WDR37: variants seen among roughly 807,000 people sequenced by gnomAD.
The protein encoded by WDR37 is WD repeat domain 37.
Under a neutral mutation model 62.9 loss-of-function variants are expected in WDR37, and 19 were observed. That is an observed-to-expected ratio of 0.30 (90% CI 0.21 to 0.44). WDR37 has a LOEUF of 0.44. Among genes scored for constraint, WDR37 ranks in the 20% least tolerant of loss-of-function variants. WDR37 has a pLI of 1.00. For missense variants in WDR37, 474 were observed against 657.6 expected (o/e 0.72, Z 3.05); for synonymous variants, 250 against 260.9 (o/e 0.96, Z 0.40).
At chr10:1,126,202 G>T (rs892201406) in intron 13 of WDR37, among the ~76,000 whole-genome samples, 6 of 152,192 alleles carry the variant, frequency 3.9e-5, no homozygotes, top group South Asian at 4.1e-4. Flanking sequence ...TCAGGAGATC[G>T]AGACCATCCT....
chr10:1,125,089 A>G (rs1036796578), intron 13 of WDR37, 65 bp downstream of exon 13: 2 of 1,568,652 alleles, frequency 1.3e-6, no homozygotes, highest in Non-Finnish European at 1.7e-6. Flanking sequence ...GATATTTTAC[A>G]TTCTCATTTT....
chr10:1,077,348 CAATT>C (rs1437845436), intron 2 of WDR37, among the ~76,000 whole-genome samples: 5 of 152,160 alleles, frequency 3.3e-5, no homozygotes, highest in African/African-American at 1.2e-4. Flanking sequence ...TGTTTTCACT[CAATT>C]AATAGACATT....
At chr10:1,057,261 AG>A (rs1833213956) in intron 1 of WDR37, among the ~76,000 whole-genome samples, 1 of 136,866 alleles carries the variant, frequency 7.3e-6, no homozygotes, top group Admixed American at 7.1e-5. Context: ...AGGGTGCGGG[AG>A]GGATGGGGGC....
chr10:1,071,320 G>A (rs760959277), intron 1 of WDR37, among the ~76,000 whole-genome samples: 3 of 152,080 alleles, frequency 2.0e-5, no homozygotes, highest in African/African-American at 7.2e-5. Flanking sequence ...CATGGGAGGA[G>A]GGATCAGTAA....
chr10:1,118,404 G>A (rs965947373), intron 11 of WDR37, among the ~76,000 whole-genome samples: 4 of 148,744 alleles, frequency 2.7e-5, no homozygotes, highest in African/African-American at 1.0e-4. Context: ...AGCCAGCTCT[G>A]TTTGAAGTCC....
At chr10:1,120,145 G>T (rs947936461) in intron 11 of WDR37, among the ~76,000 whole-genome samples, 25 of 152,252 alleles carry the variant, frequency 1.6e-4, no homozygotes, top group Admixed American at 3.9e-4. Context: ...ATGAATGCTT[G>T]TGTGAGTTCT....
In WDR37 at chr10:1,083,847, G is replaced by A. The variant is rs74554508; in HGVS notation, c.397-556G>A. On this transcript the variant is annotated intron_variant, in intron 5 of 13. Transcript: ENST00000263150. ...CTGTTCTGAGCGAGCGCCAAGTCTC[G>A]GGCAAACCGGCACACCTATTAGTGT... Among the ~76,000 whole-genome samples the A allele has an allele frequency of 6.7e-3, 1,021 of 152,326 alleles. 4 individuals are homozygous for A. Among genetic ancestry groups the A allele is most frequent in the Non-Finnish European group, 0.012 (804 of 68,038 alleles).
intron 9 of WDR37, among the ~76,000 whole-genome samples, chr10:1,097,061 C>T (rs1034811167): frequency 1.1e-4 from 17 of 152,202 alleles, no homozygotes; most frequent in African/African-American, 3.9e-4. Flanking sequence ...AGCTGAGATC[C>T]TGTGAATGAA....
chr10:1,127,894 G>A (rs1192896481), intron 13 of WDR37, among the ~76,000 whole-genome samples: 2 of 152,250 alleles, frequency 1.3e-5, no homozygotes, highest in Non-Finnish European at 2.9e-5. Context: ...TCCCATGGGA[G>A]CTCTGCCGGA....
At chr10:1,099,785 T>C (rs1047204052) in intron 9 of WDR37, among the ~76,000 whole-genome samples, 8 of 147,126 alleles carry the variant, frequency 5.4e-5, no homozygotes, top group Non-Finnish European at 8.9e-5. Context: ...AGGGTGAGCA[T>C]TGATGCTTAG....
At position 1,121,770 on chromosome 10, in the gene WDR37, G is replaced by T. The variant is rs943014490; in HGVS notation, c.1104-2448G>T. On this transcript the variant is annotated intron_variant, in intron 11 of 13. Coordinates refer to ENST00000263150, the MANE Select transcript of WDR37 (RefSeq NM_014023.4). This position sits in a 1 kb window ranked among gnomAD's most constrained non-coding sequence, Gnocchi z 4.5. ...CCCCGACCAGACATCAGGTCCTAGC[G>T]GGGGAATAAGTGTCAGCAATCCACA... 6.6e-6 allele frequency among the ~76,000 whole-genome samples: 1 copy of T among 152,154 alleles called. No homozygotes were observed. Among genetic ancestry groups the T allele is most frequent in the African/African-American group, 2.4e-5 (1 of 41,426 alleles).
intron 11 of WDR37, among the ~76,000 whole-genome samples, chr10:1,119,219 C>T (rs1835498009): frequency 6.6e-6 from 1 of 152,190 alleles, no homozygotes; most frequent in South Asian, 2.1e-4. Flanking sequence ...ATGATAAGAT[C>T]AGTACACGAG....
In WDR37 at chr10:1,132,022, T is replaced by C. The variant is rs1835958453; in HGVS notation, c.*2678T>C. On this transcript the variant is annotated 3_prime_UTR_variant, in exon 14 of 14. Transcript: ENST00000263150. ...TTGTTACTTAAGTCTGTGAAAAACA[T>C]ATTTCTTTGGAGGAAAATGTATGCA... 6.6e-6 allele frequency: 1 copy of C among 152,660 alleles called. No homozygotes were observed. Among genetic ancestry groups the C allele is most frequent in the Non-Finnish European group, 1.5e-5 (1 of 68,032 alleles). The allele number at this position is 152,660 out of a possible 1,614,324, so 9.5% of individuals were successfully genotyped here.
intron 11 of WDR37, among the ~76,000 whole-genome samples, chr10:1,111,050 GT>G (rs1835201886): frequency 6.6e-6 from 1 of 152,224 alleles, no homozygotes; most frequent in African/African-American, 2.4e-5. Context: ...AGGCTGGAAA[GT>G]TATATGCATG....
chr10:1,069,050 G>A (rs1382352651), intron 1 of WDR37, among the ~76,000 whole-genome samples: 1 of 152,054 alleles, frequency 6.6e-6, no homozygotes, highest in Admixed American at 6.6e-5. Flanking sequence ...GAAGTGGGTG[G>A]GAGAAATGAG....
intron 10 of WDR37, among the ~76,000 whole-genome samples, chr10:1,104,142 T>C (rs566557734): frequency 6.6e-6 from 1 of 152,338 alleles, no homozygotes; most frequent in Admixed American, 6.5e-5. Flanking sequence ...CGACAGGAAT[T>C]GACGGCCTCA....
chr10:1,126,426 C>G (rs1300562275), intron 13 of WDR37, among the ~76,000 whole-genome samples: 1 of 151,738 alleles, frequency 6.6e-6, no homozygotes, highest in Non-Finnish European at 1.5e-5. Context: ...AAAAGAAACT[C>G]CCCGTGGTCG....
intron 11 of WDR37, among the ~76,000 whole-genome samples, chr10:1,111,161 T>C (rs1222543682): frequency 6.6e-6 from 1 of 152,242 alleles, no homozygotes; most frequent in East Asian, 1.9e-4. Flanking sequence ...TGATGTGGAA[T>C]GTGCTTTTCA....
chr10:1,130,672 A>C lies in WDR37; in HGVS notation c.*1328A>C, dbSNP rs1414101225. The C allele has an allele frequency of 6.6e-6, 1 of 152,276 alleles. No homozygotes were observed. Among genetic ancestry groups the C allele is most frequent in the East Asian group, 1.9e-4 (1 of 5,202 alleles). 9.4% of individuals were successfully genotyped at this position (152,276 alleles called of 1,614,324 possible). A position where few individuals can be genotyped will look rare whatever the true frequency, so the allele number is the denominator to read the frequency against. On this transcript the variant is annotated 3_prime_UTR_variant, in exon 14 of 14. Coordinates refer to ENST00000263150, the MANE Select transcript of WDR37 (RefSeq NM_014023.4). The stretch of plus-strand genomic sequence containing the variant: ...GCTCACCACTTGGAGAGACACAGGA[A>C]GGTAATATTTACAGCTGTCATGTGA...
Sources: allele counts gnomAD v4.1 joint callset (sites outside exome capture counted in the v4.1 genomes callset), GRCh38; gene constraint gnomAD v4.1.1; non-coding constraint Gnocchi (gnomAD v3.1); transcripts MANE v1.5; gene names NCBI Gene and HGNC (gene_info 2026-07-23, HGNC 2026-07-21).